The following TULP4 variants were observed in gnomAD, a reference collection of about 807,000 sequenced individuals.
The protein encoded by TULP4 is tubby-related protein 4.
In TULP4, 16 loss-of-function variants were observed where a neutral mutation model predicts 129.0. The ratio of observed to expected loss-of-function variants is 0.12; its 90% confidence interval spans 0.08 to 0.19. The LOEUF (loss-of-function observed/expected upper bound fraction) is 0.19, where lower values mean the gene tolerates loss of function less well. Among genes scored for constraint, TULP4 ranks in the 10% least tolerant of loss-of-function variants. TULP4 has a pLI of 1.00. For synonymous variants in TULP4, 998 were observed against 854.0 expected (o/e 1.17, Z -2.94); for missense variants, 1,842 against 2,059.1 (o/e 0.89, Z 2.04).
intron 1 of TULP4, among the ~76,000 whole-genome samples, chr6:158,379,085 G>A (rs1259869470): frequency 1.3e-5 from 2 of 152,160 alleles, no homozygotes; most frequent in African/African-American, 4.8e-5. Flanking sequence ...AGCCGTCTGG[G>A]AGAGAGTCCA....
intron 1 of TULP4, among the ~76,000 whole-genome samples, chr6:158,354,361 C>G (rs188646153): frequency 6.6e-6 from 1 of 152,078 alleles, no homozygotes; most frequent in Non-Finnish European, 1.5e-5. Context: ...ATGTCATTAC[C>G]GAACAAGTGA....
chr6:158,234,746 A>C (rs1164634343), intron 1 of TULP4, among the ~76,000 whole-genome samples: 1 of 152,206 alleles, frequency 6.6e-6, no homozygotes, highest in East Asian at 1.9e-4. Context: ...CTTTAGTGAG[A>C]CTTCATGGAA....
intron 1 of TULP4, among the ~76,000 whole-genome samples, chr6:158,289,790 A>G (rs1778899679): frequency 6.7e-6 from 1 of 150,168 alleles, no homozygotes; most frequent in Non-Finnish European, 1.5e-5. Context: ...TGTGTTGCCC[A>G]GGATGGTCTT....
chr6:158,271,375 C>A (rs1376047764), intron 1 of TULP4, among the ~76,000 whole-genome samples: 1 of 151,934 alleles, frequency 6.6e-6, no homozygotes, highest in East Asian at 1.9e-4. Flanking sequence ...AAGGAGACAT[C>A]TAACTCTCAC....
intron 1 of TULP4, among the ~76,000 whole-genome samples, chr6:158,331,718 CACACACACACATACGTATAT>C (rs1167651090): frequency 1.4e-4 from 7 of 48,380 alleles, no homozygotes; most frequent in African/African-American, 5.9e-4. Flanking sequence ...CACACACACA[CACACACACACATACGTATAT>C]ATATACGTGT....
chr6:158,271,176 G>C (rs1778539859), intron 1 of TULP4, among the ~76,000 whole-genome samples: 1 of 149,906 alleles, frequency 6.7e-6, no homozygotes, highest in African/African-American at 2.4e-5. Context: ...AAAAGATGCT[G>C]TACTGAGTTT....
chr6:158,328,154 C>A (rs1322238717), intron 1 of TULP4, among the ~76,000 whole-genome samples: 1 of 135,220 alleles, frequency 7.4e-6, no homozygotes, highest in Non-Finnish European at 1.5e-5. Context: ...AGAGGTAGAC[C>A]TAGTTATATG....
In TULP4 at chr6:158,489,757, G is replaced by A. The variant is rs79988783; in HGVS notation, c.1631+25G>A. Reference sequence around the variant, plus strand: ...GGTAATCTCAGTCTTTGGGGAGATCGTCCTTTCTTGTGCCTCTGAATATGT... The same window carrying A: ...GGTAATCTCAGTCTTTGGGGAGATCATCCTTTCTTGTGCCTCTGAATATGT... On this transcript the variant is annotated intron_variant, in intron 9 of 13. Transcript: ENST00000367097. 179 of 1,613,444 alleles carry A rather than the reference G, an allele frequency of 1.1e-4. No individual in the cohort carries two copies. In the East Asian group the frequency reaches 3.6e-3, roughly 32 times the overall value.
intron 1 of TULP4, among the ~76,000 whole-genome samples, chr6:158,267,459 G>C (rs1434898023): frequency 6.6e-6 from 1 of 152,168 alleles, no homozygotes; most frequent in African/African-American, 2.4e-5. Flanking sequence ...GGTTGTCCTT[G>C]CCTTTCATCT....
chr6:158,245,810 A>C (rs1202363905), intron 1 of TULP4, among the ~76,000 whole-genome samples: 1 of 152,224 alleles, frequency 6.6e-6, no homozygotes, highest in East Asian at 1.9e-4. Flanking sequence ...TAGGCACAGC[A>C]CTTGGAAACA....
chr6:158,503,489 C>G lies in TULP4; in HGVS notation c.3826C>G (p.Gln1276Glu). 1 of 1,613,928 alleles carries G rather than the reference C, an allele frequency of 6.2e-7. No individual in the cohort carries two copies. Among genetic ancestry groups the G allele is most frequent in the Non-Finnish European group, 8.5e-7 (1 of 1,179,984 alleles). The change falls in exon 13 of 14, where the codon CAG becomes GAG. Residue 1276 changes from glutamine (Q) to glutamate (E), a missense_variant. By Grantham distance (29) the Gln-to-Glu change is conservative. Transcript: ENST00000367097. The surrounding 1 kb of genome is among the most constrained non-coding windows in gnomAD (Gnocchi z 4.3). ...CGCCTGCCCGCCCATGCAGAACCCC[C>G]AGGGCACTCTCCCCCCAAAGCCACA... ...YSACPPMQNP[Q>E]GTLPPKPHLV... is the part of the protein sequence containing the mutation.
intron 1 of TULP4, among the ~76,000 whole-genome samples, chr6:158,319,629 C>T (rs1779578645): frequency 6.6e-6 from 1 of 152,122 alleles, no homozygotes; most frequent in Admixed American, 6.5e-5. Flanking sequence ...ATTTATTTCA[C>T]CCTCAGCTAG....
Position 158,503,246 on chromosome 6 carries a change from T to C in TULP4, c.3583T>C (p.Tyr1195His). ...YGMGVPYPGS[Y>H]NNPPLPGVQA... is the part of the protein sequence containing the mutation. ...GATGGGAGTGCCATATCCAGGAAGC[T>C]ATAACAACCCCCCTTTGCCTGGAGT... The change falls in exon 13 of 14, where the codon TAT (tyrosine) becomes CAT (histidine). Residue 1195 changes from tyrosine (Y) to histidine (H), a missense_variant. Transcript: ENST00000367097. The surrounding 1 kb of genome is among the most constrained non-coding windows in gnomAD (Gnocchi z 4.3). 2 of 1,614,032 alleles carry C rather than the reference T, an allele frequency of 1.2e-6. No individual in the cohort carries two copies.
intron 1 of TULP4, among the ~76,000 whole-genome samples, chr6:158,345,228 G>A (rs1428825462): frequency 6.6e-6 from 1 of 152,176 alleles, no homozygotes; most frequent in Non-Finnish European, 1.5e-5. Flanking sequence ...GCTCACTGCA[G>A]CCTCAAACTC....
At chr6:158,272,667 A>G (rs776874253) in intron 1 of TULP4, among the ~76,000 whole-genome samples, 26 of 152,226 alleles carry the variant, frequency 1.7e-4, no homozygotes, top group Non-Finnish European at 3.2e-4. Flanking sequence ...TAAGTAGCAT[A>G]GCTCTAATGC....
chr6:158,267,640 A>G (rs1054620021), intron 1 of TULP4, among the ~76,000 whole-genome samples: 7 of 152,208 alleles, frequency 4.6e-5, no homozygotes, highest in South Asian at 2.1e-4. Context: ...TGTCAGGACA[A>G]TTTATACCCT....
At chr6:158,367,816 A>T (rs1291208892) in intron 1 of TULP4, among the ~76,000 whole-genome samples, 3 of 152,018 alleles carry the variant, frequency 2.0e-5, no homozygotes, top group African/African-American at 7.3e-5. Flanking sequence ...TGAGGTGGGA[A>T]GATCACTGAA....
intron 6 of TULP4, among the ~76,000 whole-genome samples, chr6:158,470,486 T>C (rs1041532569): frequency 6.6e-6 from 1 of 152,262 alleles, no homozygotes; most frequent in African/African-American, 2.4e-5. Flanking sequence ...CTTTACCTCC[T>C]GTTTTTGCCT....
At chr6:158,481,015 C>T (rs1779929867) in intron 7 of TULP4, 40 bp from the exon 8 acceptor site, 5 of 1,519,286 alleles carry the variant, frequency 3.3e-6, no homozygotes, top group Non-Finnish European at 4.4e-6. Flanking sequence ...CTCTGCCTCT[C>T]TGGAGTCCCA....
Sources: gnomAD v4.1 joint callset for allele counts (sites outside exome capture counted in the v4.1 genomes callset) on GRCh38, gnomAD v4.1.1 for gene constraint, Gnocchi (gnomAD v3.1) non-coding constraint, MANE v1.5 for transcripts, NCBI Gene and HGNC (gene_info 2026-07-23, HGNC 2026-07-21) for gene names.